Variants in SNAP91 observed in about 807,000 individuals in gnomAD.
SNAP91 encodes synaptosome associated protein 91, also known as clathrin coat assembly protein AP180.
A neutral mutation model predicts 100.3 loss-of-function variants in SNAP91; 27 were observed. The ratio of observed to expected loss-of-function variants is 0.27; its 90% CI spans 0.20 to 0.37. The LOEUF (loss-of-function observed/expected upper bound fraction) is 0.37, where lower values mean the gene tolerates loss of function less well. Ranked by LOEUF, SNAP91 falls within the 10% of genes least tolerant of loss-of-function variation. SNAP91 has a pLI of 1.00. For synonymous variants in SNAP91, 404 were observed against 398.6 expected (o/e 1.01, Z -0.16); for missense variants, 986 against 1,123.7 (o/e 0.88, Z 1.75).
At chr6:83,651,527 A>G (rs1355501385) in intron 7 of SNAP91, among the ~76,000 whole-genome samples, 1 of 152,060 alleles carries the variant, frequency 6.6e-6, no homozygotes, top group Non-Finnish European at 1.5e-5. Context: ...AGTGTGTTTA[A>G]TCTCCACCTA....
chr6:83,596,389 TAAGAG>T (rs1201461198), intron 16 of SNAP91, among the ~76,000 whole-genome samples: 1 of 152,160 alleles, frequency 6.6e-6, no homozygotes, highest in East Asian at 1.9e-4. Context: ...CAGAAGAATG[TAAGAG>T]AAGTATGAAA....
intron 8 of SNAP91, among the ~76,000 whole-genome samples, chr6:83,638,135 G>A (rs1428013810): frequency 1.3e-5 from 2 of 152,176 alleles, no homozygotes; most frequent in African/African-American, 4.8e-5. Flanking sequence ...GCGCCTTGGG[G>A]GATGGGCACC....
intron 3 of SNAP91, among the ~76,000 whole-genome samples, 169 bp downstream of exon 3, chr6:83,665,270 T>A (rs746771019): frequency 6.6e-6 from 1 of 152,114 alleles, no homozygotes; most frequent in Non-Finnish European, 1.5e-5. Context: ...TTATTTTTTG[T>A]TAACTAGCTA....
intron 11 of SNAP91, among the ~76,000 whole-genome samples, chr6:83,611,059 G>C (rs2128310479): frequency 6.6e-6 from 1 of 151,924 alleles, no homozygotes; most frequent in South Asian, 2.1e-4. Flanking sequence ...AGAAGGCTTG[G>C]AAAAAACCAT....
chr6:83,680,278 G>A (rs2098970317), intron 2 of SNAP91, among the ~76,000 whole-genome samples: 1 of 152,064 alleles, frequency 6.6e-6, no homozygotes, highest in Non-Finnish European at 1.5e-5. Context: ...CAATTCAAAA[G>A]GAATAAGTAA....
chr6:83,641,008 C>A, intron 8 of SNAP91, 88 bp downstream of exon 8: 2 of 709,852 alleles, frequency 2.8e-6, no homozygotes, highest in South Asian at 4.9e-5. Context: ...TATACTGTGA[C>A]TCTCTTACAC....
chr6:83,576,887 A>T (rs1216816622), intron 24 of SNAP91, among the ~76,000 whole-genome samples: 3 of 152,226 alleles, frequency 2.0e-5, no homozygotes, highest in East Asian at 3.8e-4. Context: ...TACATATGCC[A>T]GGCACTGTTT....
intron 7 of SNAP91, among the ~76,000 whole-genome samples, chr6:83,645,909 G>A (rs2097899881): frequency 6.6e-6 from 1 of 152,164 alleles, no homozygotes; most frequent in African/African-American, 2.4e-5. Context: ...ATGTCAGAGA[G>A]CTGAAAACAT....
intron 3 of SNAP91, among the ~76,000 whole-genome samples, chr6:83,665,200 T>A (rs1197384413): frequency 2.0e-5 from 3 of 152,090 alleles, no homozygotes; most frequent in Non-Finnish European, 4.4e-5. Context: ...GAATCAAACC[T>A]GCAATATCTC....
At chr6:83,678,828 A>G in intron 2 of SNAP91, 3 of 1,280,484 alleles carry the variant, frequency 2.3e-6, no homozygotes, top group African/African-American at 1.5e-5. Context: ...GAATCATCCA[A>G]TAAAAATCCA....
intron 2 of SNAP91, among the ~76,000 whole-genome samples, chr6:83,696,342 C>A (rs1370957108): frequency 1.3e-5 from 2 of 152,080 alleles, no homozygotes; most frequent in African/African-American, 2.4e-5. Flanking sequence ...TATTAGGGCA[C>A]CTATTCAAGA....
intron 26 of SNAP91, among the ~76,000 whole-genome samples, chr6:83,566,624 T>C (rs1490169289): frequency 2.0e-5 from 3 of 152,224 alleles, no homozygotes; most frequent in African/African-American, 7.2e-5. Flanking sequence ...AAATGGTAGA[T>C]TAACTCTTAC....
intron 26 of SNAP91, among the ~76,000 whole-genome samples, chr6:83,565,853 T>C (rs1386897955): frequency 6.6e-6 from 1 of 152,180 alleles, no homozygotes; most frequent in Non-Finnish European, 1.5e-5. Context: ...ACCCTATGTA[T>C]TGCTGGTGGC....
chr6:83,655,406 T>C lies in SNAP91; in HGVS notation c.658+1348A>G, dbSNP rs562174796. Among the ~76,000 whole-genome samples, 5 of 152,224 alleles carry C rather than the reference T, an allele frequency of 3.3e-5. No homozygotes were observed. The South Asian group carries it at 1.0e-3, about 32-fold the overall frequency. On this transcript the variant is annotated intron_variant, in intron 7 of 29. Coordinates refer to ENST00000369694, the MANE Select transcript of SNAP91 (RefSeq NM_001242792.2). ...CAAACTGATGCCACGTGGGGCTCTG[T>C]TTCAGCAGATCTAAAGGTACTTAAA... is the stretch of plus-strand genomic sequence containing the variant.
intron 16 of SNAP91, 25 bp downstream of exon 16, chr6:83,601,246 G>C (rs1220379316): frequency 1.9e-6 from 3 of 1,609,572 alleles, no homozygotes; most frequent in African/African-American, 2.7e-5. Flanking sequence ...CTGAAAAAAT[G>C]AAAGTAGCAG....
chr6:83,559,984 T>C, intron 28 of SNAP91, 120 bp downstream of exon 28: 2 of 814,388 alleles, frequency 2.5e-6, no homozygotes, highest in South Asian at 3.1e-5. Flanking sequence ...CTCCCTTTAC[T>C]TCTGAAGCAA....
intron 9 of SNAP91, among the ~76,000 whole-genome samples, chr6:83,622,224 C>CAATA: frequency 3.9e-5 from 6 of 151,976 alleles, no homozygotes; most frequent in African/African-American, 1.2e-4. Flanking sequence ...AAATACAATG[C>CAATA]CATCATGTTC....
In SNAP91 at chr6:83,609,503, G is replaced by A. The variant is rs188708869; in HGVS notation, c.912+1147C>T. 9.3e-4 allele frequency among the ~76,000 whole-genome samples: 142 copies of A among 152,268 alleles called. 1 individual carries two copies. Among genetic ancestry groups the A allele is most frequent in the Middle Eastern group, 3.4e-3 (1 of 294 alleles). ...ACCCATCACTGGCATAGTACATGGT[G>A]TCTGGAAATCACCAGTGCAGCCATA... On this transcript the variant is annotated intron_variant, in intron 12 of 29. Coordinates refer to ENST00000369694, the MANE Select transcript of SNAP91 (RefSeq NM_001242792.2).
At chr6:83,580,422 G>GA (rs534887461) in intron 24 of SNAP91, 28 bp downstream of exon 24, 46,114 of 350,632 alleles carry the variant, frequency 0.13, 1 homozygote, top group Admixed American at 0.26. Context: ...TTCAGTTAAA[G>GA]AAAAAAAAAA....
Sources: gnomAD v4.1 joint callset for allele counts (sites outside exome capture counted in the v4.1 genomes callset) on GRCh38, gnomAD v4.1.1 for gene constraint, MANE v1.5 for transcripts, NCBI Gene and HGNC (gene_info 2026-07-23, HGNC 2026-07-21) for gene names.